The following FBN1 variants were observed in gnomAD, a reference collection of about 807,000 sequenced individuals.
FBN1 encodes fibrillin-1.
Under a neutral mutation model 365.1 loss-of-function variants are expected in FBN1, and 29 were observed. The observed-to-expected ratio is 0.08, with a 90% confidence interval of 0.06 to 0.11. The LOEUF is 0.11. Among genes scored for constraint, FBN1 ranks in the 10% least tolerant of loss-of-function variants. FBN1 has a pLI of 1.00. For synonymous variants in FBN1, 1,210 were observed against 1,270.5 expected, an observed-to-expected ratio of 0.95 and a Z score of 1.01; for missense variants, 2,476 against 3,703.2, an observed-to-expected ratio of 0.67 and a Z score of 8.60.
intron 2 of FBN1, among the ~76,000 whole-genome samples, chr15:48,635,163 T>C (rs1003931660): frequency 1.3e-5 from 2 of 152,242 alleles, no homozygotes; most frequent in African/African-American, 4.8e-5. Context: ...ACTTGTTTAA[T>C]GGAGCAGTTC....
chr15:48,483,049 A>G (rs553739784), intron 31 of FBN1, among the ~76,000 whole-genome samples: 1 of 152,370 alleles, frequency 6.6e-6, no homozygotes, highest in South Asian at 2.1e-4. Flanking sequence ...ATACAAAAAT[A>G]TCTAGCACTC....
intron 6 of FBN1, among the ~76,000 whole-genome samples, chr15:48,540,009 C>T (rs889623694): frequency 4.6e-5 from 7 of 152,084 alleles, no homozygotes; most frequent in Non-Finnish European, 7.3e-5. Context: ...TTCGTTCTTT[C>T]GATGAAGAAA....
chr15:48,593,470 CCTGAA>C (rs1341523660), intron 6 of FBN1, among the ~76,000 whole-genome samples: 1 of 152,136 alleles, frequency 6.6e-6, no homozygotes, highest in African/African-American at 2.4e-5. Flanking sequence ...GTCTTGTGGA[CCTGAA>C]AGATCATTCT....
At position 48,492,718 on chromosome 15, in the gene FBN1, T is replaced by C. The variant is rs34837775; in HGVS notation, c.2729-132A>G. The C allele has an allele frequency of 0.12, 91,980 of 739,140 alleles. 6,533 individuals carry two copies. Among genetic ancestry groups the C allele is most frequent in the East Asian group, 0.14 (4,936 of 36,368 alleles). 45.8% of individuals were successfully genotyped at this position (739,140 alleles called of 1,614,324 possible). Reference sequence around the variant, plus strand: ...ATAAAACTAGTTTGCCTACAAGTAGTTTGTGTAGAATTTCTAGGGTGCCTG... The same window carrying C: ...ATAAAACTAGTTTGCCTACAAGTAGCTTGTGTAGAATTTCTAGGGTGCCTG... On this transcript the variant is annotated intron_variant, in intron 23 of 65. Coordinates refer to ENST00000316623, the MANE Select transcript of FBN1 (RefSeq NM_000138.5).
chr15:48,425,230 C>T, intron 60 of FBN1, 139 bp downstream of exon 60: 1 of 1,126,628 alleles, frequency 8.9e-7, no homozygotes, highest in Non-Finnish European at 1.4e-6. Context: ...GAGGTAGGTC[C>T]CATGGAGGCA....
At chr15:48,451,747 AATATACAG>A (rs2043203511) in intron 45 of FBN1, among the ~76,000 whole-genome samples, 1 of 152,216 alleles carries the variant, frequency 6.6e-6, no homozygotes, top group African/African-American at 2.4e-5. Flanking sequence ...ATTTTTGCTA[AATATACAG>A]ATTCAGAATT....
At chr15:48,590,824 G>T (rs1172030472) in intron 6 of FBN1, among the ~76,000 whole-genome samples, 1 of 152,058 alleles carries the variant, frequency 6.6e-6, no homozygotes, top group Non-Finnish European at 1.5e-5. Context: ...TTTTCCTTAA[G>T]GCTATCAGTT....
intron 63 of FBN1, 94 bp from the exon 64 acceptor site, chr15:48,415,861 C>T: frequency 3.1e-6 from 3 of 983,024 alleles, no homozygotes; most frequent in Non-Finnish European, 4.8e-6. Flanking sequence ...CCAGCTGGCC[C>T]TCAGCTAGGC....
chr15:48,458,973 A>T (rs893079934), intron 43 of FBN1, among the ~76,000 whole-genome samples: 1 of 152,246 alleles, frequency 6.6e-6, no homozygotes, highest in African/African-American at 2.4e-5. Flanking sequence ...ATGAGTCAGG[A>T]CTGTGTTCTG....
At chr15:48,504,967 T>C in intron 16 of FBN1, 58 bp downstream of exon 16, 3 of 1,611,938 alleles carry the variant, frequency 1.9e-6, no homozygotes, top group Non-Finnish European at 2.5e-6. Context: ...ACCATTGGGC[T>C]TTATTGAGTG....
At chr15:48,631,428 G>T (rs182955928) in intron 2 of FBN1, among the ~76,000 whole-genome samples, 4 of 152,296 alleles carry the variant, frequency 2.6e-5, no homozygotes, top group Admixed American at 2.6e-4. Context: ...TGGGTGGAGG[G>T]AATACTGACG....
chr15:48,474,025 A>ATATC (rs759252791), intron 34 of FBN1, among the ~76,000 whole-genome samples: 46 of 152,186 alleles, frequency 3.0e-4, no homozygotes, highest in African/African-American at 8.0e-4. Flanking sequence ...TGGCACCTAA[A>ATATC]TATCTATCTA....
At position 48,547,774 on chromosome 15, in the gene FBN1, C is replaced by G. The variant is rs533581803; in HGVS notation, c.539-9966G>C. On this transcript the variant is annotated intron_variant, in intron 6 of 65. Coordinates refer to ENST00000316623, the MANE Select transcript of FBN1 (RefSeq NM_000138.5). ...ACACACACACACACACACACACACA[C>G]AGTCACAGAAGCATGCTAACATACT... 4.7e-4 allele frequency among the ~76,000 whole-genome samples: 61 copies of G among 129,146 alleles called. 1 individual carries two copies. The South Asian group carries it at 0.011, about 24-fold the overall frequency. 84.7% of individuals were successfully genotyped at this position (129,146 alleles called of 152,430 possible). A position where few individuals can be genotyped will look rare whatever the true frequency, so the allele number is the denominator to read the frequency against.
intron 6 of FBN1, among the ~76,000 whole-genome samples, chr15:48,549,193 C>T (rs1353219605): frequency 2.6e-5 from 4 of 152,180 alleles, no homozygotes; most frequent in Non-Finnish European, 5.9e-5. Context: ...ACAATTGGGA[C>T]TTGGTAGGTC....
chr15:48,433,746 T>G (rs903693686), intron 54 of FBN1, among the ~76,000 whole-genome samples: 1 of 152,344 alleles, frequency 6.6e-6, no homozygotes, highest in African/African-American at 2.4e-5. Flanking sequence ...GCCCAGATCA[T>G]GACTTAGTCA....
chr15:48,600,352 C>A (rs1566935563), intron 4 of FBN1, 118 bp from the exon 5 acceptor site: 24 of 744,768 alleles, frequency 3.2e-5, no homozygotes. Flanking sequence ...CAGGATTCAT[C>A]TATTTTTACC....
chr15:48,478,974 T>C (rs2043446421), intron 32 of FBN1, among the ~76,000 whole-genome samples: 1 of 152,230 alleles, frequency 6.6e-6, no homozygotes, highest in Non-Finnish European at 1.5e-5. Context: ...CCTTATAAAA[T>C]AGCATACATA....
At chr15:48,507,224 G>A (rs113325275) in intron 15 of FBN1, among the ~76,000 whole-genome samples, 1 of 151,982 alleles carries the variant, frequency 6.6e-6, no homozygotes, top group Non-Finnish European at 1.5e-5. Flanking sequence ...CTCACAAAGG[G>A]GCTTTCATAT....
chr15:48,424,130 C>A (rs1400567700), intron 60 of FBN1, among the ~76,000 whole-genome samples: 2 of 152,204 alleles, frequency 1.3e-5, no homozygotes, highest in East Asian at 3.9e-4. Flanking sequence ...TCACAGTGAC[C>A]CCAGATGTAA....
Sources: gnomAD v4.1 joint callset for allele counts (sites outside exome capture counted in the v4.1 genomes callset) on GRCh38, gnomAD v4.1.1 for gene constraint, MANE v1.5 for transcripts, NCBI Gene and HGNC (gene_info 2026-07-23, HGNC 2026-07-21) for gene names.